Variants in RICTOR observed in about 807,000 individuals in gnomAD.
RICTOR encodes RPTOR independent companion of MTOR complex 2, also known as rapamycin-insensitive companion of mTOR.
A neutral mutation model predicts 214.9 loss-of-function variants in RICTOR; 49 were observed. The ratio of observed to expected loss-of-function variants is 0.23; its 90% CI spans 0.18 to 0.29. The LOEUF is 0.29. Ranked by LOEUF, RICTOR falls within the 10% of genes least tolerant of loss-of-function variation. The probability of loss-of-function intolerance (pLI) is 1.00; values close to 1 mark genes in which losing one functional copy is unlikely to be tolerated. For missense variants in RICTOR, 1,625 were observed against 2,047.0 expected (o/e 0.79, Z 3.98); for synonymous variants, 717 against 711.3 (o/e 1.01, Z -0.13).
chr5:39,071,846 A>G (rs1015488516), intron 2 of RICTOR, among the ~76,000 whole-genome samples: 2 of 152,248 alleles, frequency 1.3e-5, no homozygotes, highest in Admixed American at 1.3e-4. Context: ...TTGGCATTAA[A>G]CAAAAAAATT....
chr5:38,990,562 A>C (rs1379461801), intron 7 of RICTOR, among the ~76,000 whole-genome samples: 1 of 148,356 alleles, frequency 6.7e-6, no homozygotes, highest in Non-Finnish European at 1.5e-5. Context: ...TACACGATAT[A>C]TACACGATAT....
intron 2 of RICTOR, among the ~76,000 whole-genome samples, chr5:39,033,115 T>C (rs1474273739): frequency 6.6e-6 from 1 of 152,220 alleles, no homozygotes; most frequent in Admixed American, 6.5e-5. Context: ...GGTTGTATTA[T>C]AAATAACAAC....
intron 19 of RICTOR, among the ~76,000 whole-genome samples, chr5:38,961,980 A>G (rs1176618822): frequency 1.3e-5 from 2 of 152,106 alleles, no homozygotes; most frequent in Non-Finnish European, 2.9e-5. Flanking sequence ...TAAAAGTTGT[A>G]TATTAAAAAT....
chr5:39,011,586 C>T (rs899369188), intron 3 of RICTOR, among the ~76,000 whole-genome samples: 1 of 152,136 alleles, frequency 6.6e-6, no homozygotes, highest in African/African-American at 2.4e-5. Flanking sequence ...GGAGGGGGTG[C>T]TGTATCCTGC....
At chr5:39,069,878 C>G (rs1417564852) in intron 2 of RICTOR, among the ~76,000 whole-genome samples, 2 of 152,218 alleles carry the variant, frequency 1.3e-5, no homozygotes, top group African/African-American at 4.8e-5. Context: ...CTCTATGAGA[C>G]TTCTCTGATC....
intron 2 of RICTOR, among the ~76,000 whole-genome samples, chr5:39,022,716 C>CA (rs1755524271): frequency 6.6e-6 from 1 of 152,142 alleles, no homozygotes; most frequent in African/African-American, 2.4e-5. Context: ...TCTTAACTAA[C>CA]AAAAGCATCA....
intron 7 of RICTOR, among the ~76,000 whole-genome samples, chr5:38,987,595 T>A (rs1205992342): frequency 1.3e-5 from 2 of 152,166 alleles, no homozygotes; most frequent in Non-Finnish European, 2.9e-5. Context: ...ATTTGATTCT[T>A]CTCTCTTTTC....
chr5:39,051,042 T>TACAC (rs111723153), intron 2 of RICTOR, among the ~76,000 whole-genome samples: 6,939 of 145,462 alleles, frequency 0.048, 490 homozygotes, highest in African/African-American at 0.16. Context: ...TACATATATA[T>TACAC]ACACACACAC....
intron 3 of RICTOR, among the ~76,000 whole-genome samples, chr5:39,018,898 T>C (rs1755172662): frequency 6.6e-6 from 1 of 152,130 alleles, no homozygotes; most frequent in East Asian, 1.9e-4. Context: ...GGTAGCCAAC[T>C]TGTGAATGCA....
intron 2 of RICTOR, among the ~76,000 whole-genome samples, chr5:39,044,239 T>A (rs1422005451): frequency 6.6e-6 from 1 of 152,208 alleles, no homozygotes; most frequent in Admixed American, 6.5e-5. Flanking sequence ...AAAACATGTA[T>A]AATAAATTCA....
At chr5:38,953,165 C>A in intron 28 of RICTOR, 74 bp from the exon 29 acceptor site, 1 of 990,668 alleles carries the variant, frequency 1.0e-6, no homozygotes, top group Non-Finnish European at 1.5e-6. Flanking sequence ...TACCAAGAAA[C>A]AAATTTAACC....
chr5:39,022,027 A>G (rs1580122734), intron 2 of RICTOR, among the ~76,000 whole-genome samples: 1 of 152,184 alleles, frequency 6.6e-6, no homozygotes, highest in African/African-American at 2.4e-5. Context: ...TACTTCAAGA[A>G]CCCATAAAAC....
At chr5:39,003,321 A>G (rs1430028363) in intron 4 of RICTOR, among the ~76,000 whole-genome samples, 1 of 152,204 alleles carries the variant, frequency 6.6e-6, no homozygotes, top group African/African-American at 2.4e-5. Flanking sequence ...TAAATTATAG[A>G]AGTCCAGATA....
chr5:39,068,474 G>A (rs918939774), intron 2 of RICTOR, among the ~76,000 whole-genome samples: 2 of 152,196 alleles, frequency 1.3e-5, no homozygotes, highest in Non-Finnish European at 2.9e-5. Context: ...CCATATGGGA[G>A]TAAATCAAAA....
chr5:39,046,722 G>T (rs1381412954), intron 2 of RICTOR, among the ~76,000 whole-genome samples: 1 of 151,920 alleles, frequency 6.6e-6, no homozygotes, highest in Admixed American at 6.6e-5. Context: ...TGTTCCTTAT[G>T]ACTTGGTTTA....
intron 2 of RICTOR, among the ~76,000 whole-genome samples, chr5:39,066,310 G>C (rs1758902194): frequency 6.6e-6 from 1 of 152,234 alleles, no homozygotes; most frequent in African/African-American, 2.4e-5. Flanking sequence ...CTGGGATGCA[G>C]GGAGCAGTGT....
chr5:39,024,655 A>C (rs1755673090), intron 2 of RICTOR, among the ~76,000 whole-genome samples: 1 of 152,208 alleles, frequency 6.6e-6, no homozygotes, highest in South Asian at 2.1e-4. Context: ...ACTTCAGTTT[A>C]TCATTAGCTT....
intron 3 of RICTOR, among the ~76,000 whole-genome samples, chr5:39,010,684 A>C (rs1255486129): frequency 1.3e-5 from 2 of 152,238 alleles, no homozygotes; most frequent in Non-Finnish European, 2.9e-5. Context: ...CTATGCTTTA[A>C]CAAAGAGACT....
intron 24 of RICTOR, 21 bp downstream of exon 24, chr5:38,958,422 G>A: frequency 6.5e-7 from 1 of 1,527,280 alleles, no homozygotes; most frequent in African/African-American, 1.4e-5. Flanking sequence ...AAACATAACA[G>A]AAAATTTACT....
Sources: gnomAD v4.1 joint callset for allele counts (sites outside exome capture counted in the v4.1 genomes callset) on GRCh38, gnomAD v4.1.1 for gene constraint, MANE v1.5 for transcripts, NCBI Gene and HGNC (gene_info 2026-07-23, HGNC 2026-07-21) for gene names.